Variants in MEGF10 observed in about 807,000 individuals in gnomAD.
The protein encoded by MEGF10 is multiple epidermal growth factor-like domains protein 10.
Under a neutral mutation model 147.5 loss-of-function variants are expected in MEGF10, and 86 were observed. The ratio of observed to expected loss-of-function variants is 0.58; its 90% CI spans 0.49 to 0.70. The LOEUF (loss-of-function observed/expected upper bound fraction) is 0.70. Ranked by LOEUF, MEGF10 falls within the 30% of genes least tolerant of loss-of-function variation. The pLI, the probability that MEGF10 is intolerant of heterozygous loss-of-function variation, is 0.00. For synonymous variants in MEGF10, 478 were observed against 525.5 expected (o/e 0.91, Z 1.24); for missense variants, 1,329 against 1,487.3 (o/e 0.89, Z 1.75).
chr5:127,319,109 T>A (rs1156369922), intron 1 of MEGF10, among the ~76,000 whole-genome samples: 2 of 142,020 alleles, frequency 1.4e-5, no homozygotes, highest in Non-Finnish European at 3.0e-5. Flanking sequence ...AGAGTCTGGC[T>A]CTGTTGCCCA....
chr5:127,454,070 G>A (rs764594043), intron 22 of MEGF10, among the ~76,000 whole-genome samples: 1 of 152,152 alleles, frequency 6.6e-6, no homozygotes, highest in African/African-American at 2.4e-5. Flanking sequence ...GAATAAAGAA[G>A]GGCAAGAGCT....
chr5:127,260,640 AT>A, the MEGF10 span, among the ~76,000 whole-genome samples: 1 of 152,184 alleles, frequency 6.6e-6, no homozygotes, highest in Admixed American at 6.5e-5. Context: ...TCTGGACAAA[AT>A]TTAAAAATGT....
chr5:127,359,867 A>G (rs1184339872), intron 4 of MEGF10, among the ~76,000 whole-genome samples: 2 of 152,146 alleles, frequency 1.3e-5, no homozygotes, highest in African/African-American at 4.8e-5. Flanking sequence ...GGGCATACAT[A>G]TGCTTTCATT....
In MEGF10 at chr5:127,417,530, A is replaced by G. The variant is rs948498153; in HGVS notation, c.1131-108A>G. The G allele has an allele frequency of 4.7e-5, 52 of 1,094,962 alleles. No individual in the cohort carries two copies. In the East Asian group the frequency reaches 7.1e-4, roughly 15 times the overall value. 67.8% of individuals were successfully genotyped at this position (1,094,962 alleles called of 1,614,324 possible). On this transcript the variant is annotated intron_variant, in intron 9 of 24. Transcript: ENST00000503335. ...GGGAATGAAGTTTGAATTATTCTGC[A>G]TGGAATTACCCACACATTTAGTGAT... is the stretch of plus-strand genomic sequence containing the variant.
chr5:127,297,279 T>C (rs776084031), intron 1 of MEGF10, among the ~76,000 whole-genome samples: 37 of 152,238 alleles, frequency 2.4e-4, no homozygotes, highest in Non-Finnish European at 4.1e-4. Flanking sequence ...TTATCAGATA[T>C]TTATTAGCTG....
chr5:127,290,441 G>A (rs939836254), upstream of MEGF10, among the ~76,000 whole-genome samples: 1 of 152,146 alleles, frequency 6.6e-6, no homozygotes. Context: ...CACCTCCCAG[G>A]GACTCTGCCG....
At chr5:127,382,894 C>T (rs1763308763) in intron 5 of MEGF10, among the ~76,000 whole-genome samples, 1 of 152,136 alleles carries the variant, frequency 6.6e-6, no homozygotes. Context: ...AACAAGATGT[C>T]ATTTCTCACC....
chr5:127,285,938 A>G (rs529603952), upstream of MEGF10, among the ~76,000 whole-genome samples: 11 of 152,244 alleles, frequency 7.2e-5, no homozygotes, highest in African/African-American at 2.6e-4. Flanking sequence ...TGAATGGATT[A>G]AAAAACGTGG....
At chr5:127,330,583 A>G (rs1761215162) in intron 1 of MEGF10, among the ~76,000 whole-genome samples, 1 of 152,186 alleles carries the variant, frequency 6.6e-6, no homozygotes, top group Non-Finnish European at 1.5e-5. Flanking sequence ...ATCGACCTGC[A>G]AACAGCTTTA....
intron 13 of MEGF10, among the ~76,000 whole-genome samples, chr5:127,426,360 T>C (rs1765210747): frequency 6.6e-6 from 1 of 152,254 alleles, no homozygotes; most frequent in African/African-American, 2.4e-5. Flanking sequence ...ATAAAAGTTG[T>C]GTTTGACATT....
chr5:127,356,274 A>G (rs559989899), intron 4 of MEGF10, among the ~76,000 whole-genome samples: 2 of 152,354 alleles, frequency 1.3e-5, no homozygotes, highest in East Asian at 1.9e-4. Context: ...GCCACACACA[A>G]GAGATGCTAA....
chr5:127,238,029 C>CTATATATATATA, the MEGF10 span, among the ~76,000 whole-genome samples: 37 of 139,186 alleles, frequency 2.7e-4, no homozygotes, highest in East Asian at 2.8e-3. Context: ...AAACTTCAGA[C>CTATATATATATA]TATATATATA....
At chr5:127,450,441 A>G (rs554431751) in intron 22 of MEGF10, among the ~76,000 whole-genome samples, 5 of 152,188 alleles carry the variant, frequency 3.3e-5, no homozygotes. Flanking sequence ...AACTTCTGTG[A>G]TATACCATTA....
chr5:127,245,868 T>C, the MEGF10 span, among the ~76,000 whole-genome samples: 40 of 152,160 alleles, frequency 2.6e-4, no homozygotes, highest in Admixed American at 3.9e-4. Context: ...TCATCATCAC[T>C]GGTCATTAGA....
intron 8 of MEGF10, chr5:127,409,711 C>T (rs1204795225): frequency 6.5e-6 from 1 of 153,152 alleles, no homozygotes; most frequent in African/African-American, 2.4e-5. Context: ...GGCAATACCC[C>T]ACTAGCCAAA....
At chr5:127,375,274 C>G (rs185942567) in intron 5 of MEGF10, among the ~76,000 whole-genome samples, 97 of 152,008 alleles carry the variant, frequency 6.4e-4, no homozygotes, top group African/African-American at 2.3e-3. Flanking sequence ...CTGACAAATA[C>G]TTTCAGTCCA....
At chr5:127,429,723 AT>A (rs948830221) in intron 13 of MEGF10, among the ~76,000 whole-genome samples, 5 of 151,776 alleles carry the variant, frequency 3.3e-5, no homozygotes, top group Non-Finnish European at 7.4e-5. Context: ...CACTTTGATC[AT>A]TTTTTTTATT....
intron 1 of MEGF10, among the ~76,000 whole-genome samples, chr5:127,317,334 A>T (rs1347673652): frequency 6.6e-6 from 1 of 152,016 alleles, no homozygotes; most frequent in Non-Finnish European, 1.5e-5. Context: ...ATTAGATCCC[A>T]TTTGTCAATT....
chr5:127,292,483 G>A (rs560718807), intron 1 of MEGF10, among the ~76,000 whole-genome samples: 14 of 152,308 alleles, frequency 9.2e-5, no homozygotes, highest in Non-Finnish European at 2.1e-4. Flanking sequence ...TTAGCTGTCA[G>A]TAAGTGTTAG....
Sources: gnomAD v4.1 joint callset for allele counts (sites outside exome capture counted in the v4.1 genomes callset) on GRCh38, gnomAD v4.1.1 for gene constraint, MANE v1.5 for transcripts, NCBI Gene and HGNC (gene_info 2026-07-23, HGNC 2026-07-21) for gene names.